CIMAP2: variants seen among roughly 807,000 people sequenced by gnomAD.
CIMAP2 encodes the protein ciliary microtubule-associated protein 2.
chr1:54,823,121 T>C, the CIMAP2 span, among the ~76,000 whole-genome samples: 1 of 152,080 alleles, frequency 6.6e-6, no homozygotes, highest in Admixed American at 6.5e-5. Context: ...GTCTCATTTT[T>C]TCGTTGATTT....
the CIMAP2 span, chr1:54,807,875 T>C: frequency 1.9e-6 from 3 of 1,560,474 alleles, no homozygotes; most frequent in Non-Finnish European, 2.6e-6. Flanking sequence ...ATTTTCTCTC[T>C]TCTCTTGGCA....
chr1:54,821,892 T>C, the CIMAP2 span, among the ~76,000 whole-genome samples: 14 of 53,512 alleles, frequency 2.6e-4, no homozygotes, highest in African/African-American at 3.3e-4. Flanking sequence ...ATTTCTTTTT[T>C]TTTTTTTTTT....
At chr1:54,820,681 A>G in the CIMAP2 span, among the ~76,000 whole-genome samples, 9 of 151,970 alleles carry the variant, frequency 5.9e-5, no homozygotes, top group Admixed American at 5.9e-4. Context: ...TTCCCTGATG[A>G]TTTGTGATGT....
chr1:54,819,930 AT>A, the CIMAP2 span, among the ~76,000 whole-genome samples: 1 of 50,442 alleles, frequency 2.0e-5, no homozygotes, highest in African/African-American at 1.2e-4. Context: ...TCCCCCCCAT[AT>A]TTCTTTTCTT....
At chr1:54,817,207 GTTCCCATGGGAAC>G in the CIMAP2 span, 1 of 1,545,882 alleles carries the variant, frequency 6.5e-7, no homozygotes, top group Non-Finnish European at 8.8e-7. Flanking sequence ...CCCATGTTTG[GTTCCCATGGGAAC>G]ACAGCTTCTG....
chr1:54,809,575 G>GT, the CIMAP2 span, among the ~76,000 whole-genome samples: 1 of 152,180 alleles, frequency 6.6e-6, no homozygotes, highest in East Asian at 1.9e-4. Flanking sequence ...TACAGAGTGA[G>GT]TAACTTACTG....
the CIMAP2 span, among the ~76,000 whole-genome samples, chr1:54,827,352 C>T: frequency 6.6e-6 from 1 of 152,206 alleles, no homozygotes; most frequent in African/African-American, 2.4e-5. Flanking sequence ...TTTGCAAAGT[C>T]CAGTCTATAT....
the CIMAP2 span, chr1:54,841,509 T>C: frequency 1.0e-3 from 1,575 of 1,559,386 alleles, 2 homozygotes; most frequent in Non-Finnish European, 1.3e-3. Context: ...AGGGTTGGGT[T>C]AGATAATTTT....
At chr1:54,824,723 C>G in the CIMAP2 span, among the ~76,000 whole-genome samples, 1 of 151,494 alleles carries the variant, frequency 6.6e-6, no homozygotes, top group African/African-American at 2.4e-5. Flanking sequence ...TCTAGGATTT[C>G]TGTTTGGTTC....
At chr1:54,817,229 T>C in the CIMAP2 span, 52 of 1,424,238 alleles carry the variant, frequency 3.7e-5, no homozygotes, top group African/African-American at 6.5e-4. Flanking sequence ...ACACAGCTTC[T>C]GCCCCTAATG....
At chr1:54,817,142 C>T in the CIMAP2 span, 5 of 1,613,710 alleles carry the variant, frequency 3.1e-6, no homozygotes, top group African/African-American at 2.7e-5. Flanking sequence ...GCTGGAGCTG[C>T]AGGCGAAGGG....
At chr1:54,819,776 C>T in the CIMAP2 span, among the ~76,000 whole-genome samples, 3 of 136,018 alleles carry the variant, frequency 2.2e-5, no homozygotes, top group South Asian at 2.3e-4. Flanking sequence ...CTCCCTCCCT[C>T]CCTTCCTTCC....
At chr1:54,831,050 G>T in the CIMAP2 span, among the ~76,000 whole-genome samples, 87 of 152,128 alleles carry the variant, frequency 5.7e-4, 1 homozygote, top group African/African-American at 2.0e-3. Context: ...GGGTTTCAAA[G>T]GTAAAATAAA....
At chr1:54,808,422 G>C in the CIMAP2 span, among the ~76,000 whole-genome samples, 1 of 152,150 alleles carries the variant, frequency 6.6e-6, no homozygotes, top group African/African-American at 2.4e-5. Flanking sequence ...CCAGGCATTG[G>C]AAGCAGCAGA....
At chr1:54,814,909 C>G in the CIMAP2 span, 6 of 1,614,094 alleles carry the variant, frequency 3.7e-6, no homozygotes, top group East Asian at 8.9e-5. Flanking sequence ...CTTCCTTACT[C>G]GTAGGCCACA....
chr1:54,806,098 G>A, the CIMAP2 span: 2 of 1,508,774 alleles, frequency 1.3e-6, no homozygotes, highest in Non-Finnish European at 1.8e-6. Flanking sequence ...AGCGGAGGCG[G>A]GCAGCGCGCA....
At chr1:54,811,765 G>GGGGGGGGGGGGGGGGGGGCCCCCCCCC in the CIMAP2 span, 1 of 1,301,332 alleles carries the variant, frequency 7.7e-7, no homozygotes. Flanking sequence ...GGTTCTGACA[G>GGGGGGGGGGGGGGGGGGGCCCCCCCCC]CCTCCATGCC....
At chr1:54,811,967 C>G in the CIMAP2 span, 1 of 1,614,138 alleles carries the variant, frequency 6.2e-7, no homozygotes, top group South Asian at 1.1e-5. Context: ...GCCTGCCTTC[C>G]CGTCCTGCAG....
the CIMAP2 span, chr1:54,817,274 A>G: frequency 2.7e-6 from 3 of 1,106,976 alleles, no homozygotes; most frequent in East Asian, 7.8e-5. Flanking sequence ...AGGGACGTTC[A>G]CGTTCAGATC....
Sources: allele counts gnomAD v4.1 joint callset (sites outside exome capture counted in the v4.1 genomes callset), GRCh38; gene constraint gnomAD v4.1.1; transcripts MANE v1.5; gene names NCBI Gene and HGNC (gene_info 2026-07-23, HGNC 2026-07-21).